NFXL1: variants seen among roughly 807,000 people sequenced by gnomAD.
NFXL1 encodes nuclear transcription factor, X-box binding like 1, also known as NF-X1-type zinc finger protein NFXL1.
Under a neutral mutation model 123.3 loss-of-function variants are expected in NFXL1, and 66 were observed. That is an observed-to-expected ratio of 0.54 (90% CI 0.44 to 0.66). The LOEUF is 0.66. Ranked by LOEUF, NFXL1 falls within the 30% of genes least tolerant of loss-of-function variation. NFXL1 has a pLI of 0.00. For missense variants in NFXL1, 944 were observed against 1,125.6 expected, an observed-to-expected ratio of 0.84 and a Z score of 2.31; for synonymous variants, 346 against 360.8, an observed-to-expected ratio of 0.96 and a Z score of 0.46.
chr4:47,847,950 A>T lies in NFXL1; in HGVS notation c.*213T>A. The T allele has an allele frequency of 3.4e-6, 1 of 290,042 alleles. No homozygotes were observed. Among genetic ancestry groups the T allele is most frequent in the Non-Finnish European group, 5.7e-6 (1 of 175,962 alleles). 18.0% of individuals were successfully genotyped at this position (290,042 alleles called of 1,614,324 possible). A position where few individuals can be genotyped will look rare whatever the true frequency, so the allele number is the denominator to read the frequency against. On this transcript the variant is annotated 3_prime_UTR_variant, in exon 23 of 23. Coordinates refer to ENST00000507489, the MANE Select transcript of NFXL1 (RefSeq NM_001278624.2). ...AAGCCTTATGAAATATTTTAGTTTC[A>T]GTCATGCCTTCACTTTAAAACAGTA...
At chr4:47,868,924 A>G (rs893961101) in intron 18 of NFXL1, among the ~76,000 whole-genome samples, 7 of 152,250 alleles carry the variant, frequency 4.6e-5, no homozygotes, top group African/African-American at 1.7e-4. Flanking sequence ...AAAGAGATAC[A>G]GAAACACACT....
intron 19 of NFXL1, among the ~76,000 whole-genome samples, chr4:47,859,219 AAAC>A (rs575744126): frequency 4.6e-4 from 70 of 152,346 alleles, no homozygotes; most frequent in African/African-American, 1.5e-3. Flanking sequence ...GTTTACCTAC[AAAC>A]AACACTGTCT....
At chr4:47,864,968 A>T (rs1169442763) in intron 18 of NFXL1, among the ~76,000 whole-genome samples, 1 of 152,204 alleles carries the variant, frequency 6.6e-6, no homozygotes, top group Non-Finnish European at 1.5e-5. Flanking sequence ...TGAACTTCAG[A>T]CCAGTGTCTG....
intron 16 of NFXL1, 56 bp downstream of exon 16, chr4:47,879,031 AAGTTATACT>A (rs1427169260): frequency 1.1e-6 from 1 of 901,502 alleles, no homozygotes; most frequent in Non-Finnish European, 1.7e-6. Flanking sequence ...AACTCTAGTA[AAGTTATACT>A]AGTATGTAAC....
At position 47,898,031 on chromosome 4, in the gene NFXL1, G is replaced by A. The variant is rs376689547; in HGVS notation, c.1140C>T (p.Cys380=). The A allele has an allele frequency of 6.2e-7, 1 of 1,612,258 alleles. No individual in the cohort carries two copies. The highest frequency in any genetic ancestry group is 8.5e-7 in the Non-Finnish European group (1 of 1,179,302). ...PCGNHTCEQV[C]HVGACGECPR... is the part of the protein sequence containing the mutation. ...GACATTCTCCACAAGCACCAACATG[G>A]CAAACTTGCTCACATGTGTGATTAC... The change falls in exon 9 of 23, where the codon TGC becomes TGT. Residue 380 remains cysteine (C), a synonymous_variant. Transcript: ENST00000507489.
rs539776195 is a variant in NFXL1 at position 47,913,709 on chromosome 4, C to A, written c.235+260G>T. ...CGGGCCACAATTTACAACTGATGGT[C>A]TGGAGATTCAAGTAGGCAAGAGTGG... On this transcript the variant is annotated intron_variant, in intron 2 of 22. Transcript: ENST00000507489. Among the ~76,000 whole-genome samples, 5 of 152,290 alleles carry A rather than the reference C, an allele frequency of 3.3e-5. No homozygotes were observed. In the South Asian group the frequency reaches 1.0e-3, roughly 32 times the overall value.
In NFXL1 at chr4:47,912,634, A is replaced by AT. The variant is rs1462079764; in HGVS notation, c.235+1334dup. 1.1e-4 allele frequency among the ~76,000 whole-genome samples: 16 copies of AT among 146,486 alleles called. No individual in the cohort carries two copies. The East Asian group carries it at 2.7e-3, about 25-fold the overall frequency. On this transcript the variant is annotated intron_variant, in intron 2 of 22. Coordinates refer to ENST00000507489, the MANE Select transcript of NFXL1 (RefSeq NM_001278624.2). ...CCACCCCGCCCGGCTAATTTTTTGT[A>AT]TTTTTAGTAGAGACGGGGTTTCACC...
chr4:47,870,071 C>T (rs1334283497), intron 18 of NFXL1, among the ~76,000 whole-genome samples: 1 of 152,114 alleles, frequency 6.6e-6, no homozygotes, highest in East Asian at 1.9e-4. Flanking sequence ...AACACACACA[C>T]ATCAGGCCCA....
At chr4:47,910,784 TTTCA>T in intron 3 of NFXL1, 36 bp downstream of exon 3, 1 of 1,336,876 alleles carries the variant, frequency 7.5e-7, no homozygotes, top group Non-Finnish European at 1.0e-6. Flanking sequence ...AGGAATACAG[TTTCA>T]TTGACGTCAA....
chr4:47,872,015 A>G (rs1241440411), intron 18 of NFXL1, among the ~76,000 whole-genome samples: 1 of 152,192 alleles, frequency 6.6e-6, no homozygotes, highest in Non-Finnish European at 1.5e-5. Flanking sequence ...AATAAAAGGG[A>G]AATTTTTTTC....
intron 22 of NFXL1, among the ~76,000 whole-genome samples, chr4:47,848,567 G>T (rs9291317): frequency 0.73 from 111,663 of 152,004 alleles, 41,253 homozygotes; most frequent in South Asian, 0.76. Context: ...ATTTCAAACT[G>T]TAGGGCTGAC....
intron 18 of NFXL1, among the ~76,000 whole-genome samples, chr4:47,871,617 A>C (rs186757578): frequency 5.3e-4 from 81 of 152,328 alleles, no homozygotes; most frequent in African/African-American, 1.9e-3. Context: ...AAGCTATATA[A>C]ATAAACAGAA....
intron 18 of NFXL1, among the ~76,000 whole-genome samples, chr4:47,872,359 G>A (rs10014206): frequency 0.15 from 22,866 of 151,680 alleles, 1,939 homozygotes; most frequent in East Asian, 0.31. Flanking sequence ...CTACTCAGGA[G>A]GCCAAGGCAG....
intron 5 of NFXL1, among the ~76,000 whole-genome samples, chr4:47,902,126 G>A (rs763934038): frequency 1.3e-4 from 20 of 152,086 alleles, no homozygotes; most frequent in African/African-American, 3.6e-4. Context: ...TGGCTACAGC[G>A]AGCCAAGAGC....
rs766713664 is a variant in NFXL1 at position 47,899,451 on chromosome 4, C to G, written c.745G>C (p.Val249Leu). 6.2e-7 allele frequency: 1 copy of G among 1,612,978 alleles called. No homozygotes were observed. The highest frequency in any genetic ancestry group is 8.5e-7 in the Non-Finnish European group (1 of 1,179,472). The change falls in exon 6 of 23, where the codon GTG becomes CTG. Residue 249 changes from valine to leucine, a missense_variant. Transcript: ENST00000507489. ...VEDPPLDPWLVPHSCGQVCER... is the reference protein window; with the variant it reads ...VEDPPLDPWLLPHSCGQVCER... ...CATACTTGGCCACATGAATGAGGCA[C>G]AAGCCACGGATCTAAAGGTGGATCT... is the stretch of plus-strand genomic sequence containing the variant.
intron 12 of NFXL1, among the ~76,000 whole-genome samples, chr4:47,887,890 C>G (rs1235540906): frequency 6.6e-6 from 1 of 152,100 alleles, no homozygotes; most frequent in Admixed American, 6.6e-5. Context: ...GAGACTATAA[C>G]TATACTGACC....
At chr4:47,894,399 A>T (rs1240626867) in intron 10 of NFXL1, 97 bp from the exon 11 acceptor site, 1 of 758,846 alleles carries the variant, frequency 1.3e-6, no homozygotes, top group African/African-American at 1.8e-5. Context: ...ATGAACAAAA[A>T]TTTTAACACT....
At chr4:47,858,729 C>G (rs1204802988) in intron 19 of NFXL1, among the ~76,000 whole-genome samples, 1 of 152,070 alleles carries the variant, frequency 6.6e-6, no homozygotes, top group African/African-American at 2.4e-5. Context: ...GGTGGTCACC[C>G]TATAGGATAG....
At chr4:47,898,900 T>A (rs766114750) in intron 7 of NFXL1, 43 bp from the exon 8 acceptor site, 3 of 1,610,426 alleles carry the variant, frequency 1.9e-6, no homozygotes, top group South Asian at 1.1e-5. Flanking sequence ...ATAAAAGCAA[T>A]AAAGATTGCT....
Sources: gnomAD v4.1 joint callset for allele counts (sites outside exome capture counted in the v4.1 genomes callset) on GRCh38, gnomAD v4.1.1 for gene constraint, MANE v1.5 for transcripts, NCBI Gene and HGNC (gene_info 2026-07-23, HGNC 2026-07-21) for gene names.